Variants in MORC2 observed in about 807,000 individuals in gnomAD.
MORC2 encodes ATPase MORC2.
In MORC2, 30 loss-of-function variants were observed where a neutral mutation model predicts 136.0. The ratio of observed to expected loss-of-function variants is 0.22; its 90% CI spans 0.17 to 0.30. The LOEUF (loss-of-function observed/expected upper bound fraction) is 0.30. Ranked by LOEUF, MORC2 falls within the 10% of genes least tolerant of loss-of-function variation. The pLI, the probability that MORC2 is intolerant of heterozygous loss-of-function variation, is 1.00. For missense variants in MORC2, 922 were observed against 1,333.1 expected, an observed-to-expected ratio of 0.69 and a Z score of 4.80; for synonymous variants, 439 against 487.0, an observed-to-expected ratio of 0.90 and a Z score of 1.30.
Position 30,931,444 on chromosome 22 carries a change from G to A in MORC2, c.2841+915C>T, listed in dbSNP as rs533888730. On this transcript the variant is annotated intron_variant, in intron 24 of 25. Coordinates refer to ENST00000397641, the MANE Select transcript of MORC2 (RefSeq NM_001303256.3). ...TGCCCTAGACATGGTTTGGATGACAGTTCCTTCAGCTCAAAACTTTTGCAG... is the reference window on the plus strand; with the variant it reads ...TGCCCTAGACATGGTTTGGATGACAATTCCTTCAGCTCAAAACTTTTGCAG... Among the ~76,000 whole-genome samples the A allele has an allele frequency of 7.2e-5, 11 of 152,326 alleles. 1 individual carries two copies. The South Asian group carries it at 2.3e-3, about 32-fold the overall frequency.
intron 20 of MORC2, among the ~76,000 whole-genome samples, chr22:30,933,818 C>G (rs1360336203): frequency 3.3e-5 from 5 of 152,182 alleles, no homozygotes; most frequent in Non-Finnish European, 4.4e-5. Flanking sequence ...AAGACCCTAC[C>G]TGGCACCATG....
chr22:30,938,478 T>C (rs549715597), intron 12 of MORC2, among the ~76,000 whole-genome samples: 1 of 152,332 alleles, frequency 6.6e-6, no homozygotes, highest in East Asian at 1.9e-4. Flanking sequence ...ATTACGAAGC[T>C]GCTGCAAATC....
Position 30,955,671 on chromosome 22 carries a change from G to A in MORC2, c.157+1092C>T, listed in dbSNP as rs2040955899. Reference sequence around the variant, plus strand: ...ACACATTTCAGAGGATTTCAGAAAAGTCTGTCAGAAAAAAACACATCACAC... The same window carrying A: ...ACACATTTCAGAGGATTTCAGAAAAATCTGTCAGAAAAAAACACATCACAC... On this transcript the variant is annotated intron_variant, in intron 3 of 25. Transcript: ENST00000397641. Among the ~76,000 whole-genome samples the A allele has an allele frequency of 2.0e-5, 3 of 152,088 alleles. No individual in the cohort carries two copies. In the South Asian group the frequency reaches 6.2e-4, roughly 32 times the overall value.
Position 30,928,023 on chromosome 22 carries a change from T to C in MORC2, c.3026A>G (p.Gln1009Arg). 1 of 1,613,148 alleles carries C rather than the reference T, an allele frequency of 6.2e-7. No homozygotes were observed. Among genetic ancestry groups the C allele is most frequent in the Non-Finnish European group, 8.5e-7 (1 of 1,180,014 alleles). ...TNIVALLQKV[Q>R]EDIDINTDDE... ...CAGGAAGGCTGCCGGGCTCACCTCC[T>C]GCACCTTTTGCAGGAGTGCCACGAT... Residue 1009 changes from glutamine to arginine, a missense_variant, in exon 25 of 26, where the codon CAG becomes CGG. Coordinates refer to ENST00000397641, the MANE Select transcript of MORC2 (RefSeq NM_001303256.3).
At position 30,932,884 on chromosome 22, in the gene MORC2, A is replaced by G; in HGVS notation, c.2522+5T>C. 1 of 1,614,092 alleles carries G rather than the reference A, an allele frequency of 6.2e-7. No homozygotes were observed. Among genetic ancestry groups the G allele is most frequent in the Non-Finnish European group, 8.5e-7 (1 of 1,179,984 alleles). On this transcript the variant is annotated splice_donor_5th_base_variant and intron_variant, in intron 22 of 25. Transcript: ENST00000397641. The surrounding 1 kb of genome is among the most constrained non-coding windows in gnomAD (Gnocchi z 4.4). ...ACCACTGCTCCTCCCTGATTGGGGC[A>G]TTACCAGCGGTCTCTTGGTGTCGTG...
intron 21 of MORC2, 77 bp from the exon 22 acceptor site, chr22:30,933,107 G>A: frequency 6.3e-7 from 1 of 1,582,378 alleles, no homozygotes; most frequent in South Asian, 1.1e-5. Context: ...ATCGAGAAAG[G>A]CAGTCCCCAG....
Position 30,941,794 on chromosome 22 carries a change from T to C in MORC2, c.698+97A>G, listed in dbSNP as rs915687006. The C allele has an allele frequency of 2.4e-6, 3 of 1,237,582 alleles. No individual in the cohort carries two copies. The highest frequency in any genetic ancestry group is 3.5e-6 in the Non-Finnish European group (3 of 856,708). 76.7% of individuals were successfully genotyped at this position (1,237,582 alleles called of 1,614,324 possible). On this transcript the variant is annotated intron_variant, in intron 8 of 25. Coordinates refer to ENST00000397641, the MANE Select transcript of MORC2 (RefSeq NM_001303256.3). This position sits in a 1 kb window ranked among gnomAD's most constrained non-coding sequence, Gnocchi z 4.6. Reference sequence around the variant, plus strand: ...TACATACTACCCTACCACAGAACACTGGGCAATGAATGTGCTCTCCCCTCT... The same window carrying C: ...TACATACTACCCTACCACAGAACACCGGGCAATGAATGTGCTCTCCCCTCT...
chr22:30,932,208 C>T lies in MORC2; in HGVS notation c.2841+151G>A, dbSNP rs1189240774. On this transcript the variant is annotated intron_variant, in intron 24 of 25. Coordinates refer to ENST00000397641, the MANE Select transcript of MORC2 (RefSeq NM_001303256.3). This position sits in a 1 kb window ranked among gnomAD's most constrained non-coding sequence, Gnocchi z 4.4. ...CACATCATAAACTCTCCTCTTCTTTCAGCAGGAGAGAGGCTGGCTGAGATG... is the reference window on the plus strand; with the variant it reads ...CACATCATAAACTCTCCTCTTCTTTTAGCAGGAGAGAGGCTGGCTGAGATG... 1 of 753,292 alleles carries T rather than the reference C, an allele frequency of 1.3e-6. No individual in the cohort carries two copies. Among genetic ancestry groups the T allele is most frequent in the Non-Finnish European group, 2.2e-6 (1 of 459,204 alleles). The allele number at this position is 753,292 out of a possible 1,614,324, so 46.7% of individuals were successfully genotyped here.
chr22:30,946,544 A>G (rs949056528), intron 5 of MORC2, 95 bp from the exon 6 acceptor site: 4 of 1,105,812 alleles, frequency 3.6e-6, no homozygotes, highest in Non-Finnish European at 5.2e-6. Flanking sequence ...TGAAAGTGCC[A>G]CTGGAGGGCT....
chr22:30,951,275 C>A (rs556847778), intron 3 of MORC2, among the ~76,000 whole-genome samples: 1 of 152,362 alleles, frequency 6.6e-6, no homozygotes, highest in African/African-American at 2.4e-5. Context: ...CAGTTGTCTT[C>A]TGCAGCAGAA....
At position 30,934,625 on chromosome 22, in the gene MORC2, C is replaced by T. The variant is rs554623433; in HGVS notation, c.2193+156G>A. ...ATGTGCTGTCTGGCCCCAACAAGTC[C>T]GTTCAGCTATCAAGGCTTCCCGTCC... On this transcript the variant is annotated intron_variant, in intron 19 of 25. Transcript: ENST00000397641. The surrounding 1 kb of genome is among the most constrained non-coding windows in gnomAD (Gnocchi z 4.4). Among the ~76,000 whole-genome samples, 7 of 152,306 alleles carry T rather than the reference C, an allele frequency of 4.6e-5. No individual in the cohort carries two copies. The South Asian group carries it at 1.0e-3, about 23-fold the overall frequency.
At chr22:30,950,033 G>A (rs1232813720) in intron 4 of MORC2, among the ~76,000 whole-genome samples, 191 bp from the exon 5 acceptor site, 1 of 152,196 alleles carries the variant, frequency 6.6e-6, no homozygotes, top group Non-Finnish European at 1.5e-5. Flanking sequence ...CTCTATCACT[G>A]TGACCTATGT....
At chr22:30,961,607 A>G (rs1211218211) in intron 1 of MORC2, among the ~76,000 whole-genome samples, 1 of 152,214 alleles carries the variant, frequency 6.6e-6, no homozygotes, top group Admixed American at 6.5e-5. Context: ...AAATAGAGCT[A>G]CCAGAAAAAA....
intron 1 of MORC2, chr22:30,967,225 T>C (rs1377577721): frequency 1.2e-5 from 12 of 986,112 alleles, no homozygotes; most frequent in Non-Finnish European, 1.3e-5. Context: ...CCATGAACAC[T>C]GTATGTTTCT....
At chr22:30,963,156 T>C (rs1183272034) in intron 1 of MORC2, 2 of 219,966 alleles carry the variant, frequency 9.1e-6, no homozygotes, top group Non-Finnish European at 1.5e-5. Context: ...TTTTGTATTT[T>C]TAGTACAGAC....
chr22:30,963,520 G>T (rs1175066971), intron 1 of MORC2, among the ~76,000 whole-genome samples: 1 of 151,988 alleles, frequency 6.6e-6, no homozygotes, highest in Non-Finnish European at 1.5e-5. Flanking sequence ...GAGTAGCTGG[G>T]ATTACAGGCA....
intron 24 of MORC2, among the ~76,000 whole-genome samples, chr22:30,930,553 C>T (rs2040559963): frequency 6.6e-6 from 1 of 152,190 alleles, no homozygotes; most frequent in South Asian, 2.1e-4. Context: ...AGACTCTTTA[C>T]CTTTCTGAGC....
chr22:30,946,065 G>A, intron 6 of MORC2, among the ~76,000 whole-genome samples: 1 of 152,150 alleles, frequency 6.6e-6, no homozygotes, highest in East Asian at 1.9e-4. Flanking sequence ...TAGAGGAGCT[G>A]CAAATCCAAC....
At position 30,932,036 on chromosome 22, in the gene MORC2, G is replaced by C. The variant is rs529358533; in HGVS notation, c.2841+323C>G. 1.4e-3 allele frequency among the ~76,000 whole-genome samples: 211 copies of C among 152,334 alleles called. 1 individual carries two copies. Among genetic ancestry groups the C allele is most frequent in the African/African-American group, 4.8e-3 (199 of 41,576 alleles). ...CTGGGACAGGTTTACTCCCTCTACT[G>C]GGGCAGAAGAAAGTGGGTATGCTTG... On this transcript the variant is annotated intron_variant, in intron 24 of 25. Transcript: ENST00000397641. This position sits in a 1 kb window ranked among gnomAD's most constrained non-coding sequence, Gnocchi z 4.4.
Sources: gnomAD v4.1 joint callset for allele counts (sites outside exome capture counted in the v4.1 genomes callset) on GRCh38, gnomAD v4.1.1 for gene constraint, Gnocchi (gnomAD v3.1) non-coding constraint, MANE v1.5 for transcripts, NCBI Gene and HGNC (gene_info 2026-07-23, HGNC 2026-07-21) for gene names.